The following PXDNL variants were observed in gnomAD, a reference collection of about 807,000 sequenced individuals.
PXDNL encodes the protein peroxidasin like.
PXDNL carries 145 observed loss-of-function variants against 150.8 expected under a neutral mutation model. That is an observed-to-expected ratio of 0.96 (90% confidence interval 0.84 to 1.10). The LOEUF (loss-of-function observed/expected upper bound fraction) is 1.10. PXDNL is among the 50% of genes least tolerant of loss of function. The pLI is 0.00. For missense variants in PXDNL, 2,087 were observed against 1,873.9 expected (o/e 1.11, Z -2.10); for synonymous variants, 757 against 725.7 (o/e 1.04, Z -0.69).
At chr8:51,547,942 G>T (rs767428004) in intron 4 of PXDNL, among the ~76,000 whole-genome samples, 20 of 151,960 alleles carry the variant, frequency 1.3e-4, no homozygotes, top group Admixed American at 2.6e-4. Flanking sequence ...TAAAAATACA[G>T]AATATGAATG....
At chr8:51,786,510 T>A (rs2037461998) in intron 1 of PXDNL, among the ~76,000 whole-genome samples, 1 of 152,152 alleles carries the variant, frequency 6.6e-6, no homozygotes, top group African/African-American at 2.4e-5. Context: ...TGACAACCCT[T>A]CCTCACTCCC....
chr8:51,380,636 T>G (rs1416348012), intron 17 of PXDNL, among the ~76,000 whole-genome samples: 1 of 152,240 alleles, frequency 6.6e-6, no homozygotes, highest in Non-Finnish European at 1.5e-5. Context: ...AGTTTTATCC[T>G]TTCTGATCTT....
rs1489290109 is a variant in PXDNL at position 51,449,028 on chromosome 8, G to A, written c.1340C>T (p.Pro447Leu). 6.5e-7 allele frequency: 1 copy of A among 1,548,458 alleles called. No homozygotes were observed. The highest frequency in any genetic ancestry group is 2.0e-5 in the Admixed American group (1 of 51,064). Residue 447 changes from proline to leucine, a missense_variant, in exon 11 of 23, where the codon CCT becomes CTT. Transcript: ENST00000356297. ...TGTTTTTGTCCAGACAATAACAGGAGGTGGGTTGCCGTCAGCTTCACAGAG... is the reference window on the plus strand; with the variant it reads ...TGTTTTTGTCCAGACAATAACAGGAAGTGGGTTGCCGTCAGCTTCACAGAG... ...EWLCEADGNP[P>L]PVIVWTKTGG... is the part of the protein sequence containing the mutation.
intron 2 of PXDNL, among the ~76,000 whole-genome samples, chr8:51,644,341 C>T (rs925425395): frequency 0.23 from 9,643 of 42,146 alleles, 2,133 homozygotes; most frequent in Non-Finnish European, 0.3. Flanking sequence ...TATATATACA[C>T]ACACACACAC....
At chr8:51,603,086 T>G (rs1813761294) in intron 2 of PXDNL, among the ~76,000 whole-genome samples, 1 of 151,898 alleles carries the variant, frequency 6.6e-6, no homozygotes, top group Non-Finnish European at 1.5e-5. Context: ...TGATATGCAA[T>G]ATTAATGTAA....
chr8:51,336,258 A>G (rs564759647), intron 21 of PXDNL, among the ~76,000 whole-genome samples: 2 of 152,330 alleles, frequency 1.3e-5, no homozygotes, highest in South Asian at 2.1e-4. Flanking sequence ...CTTTATCTCT[A>G]TGCTGATTTT....
chr8:51,643,346 T>C (rs1814818644), intron 2 of PXDNL, among the ~76,000 whole-genome samples: 1 of 152,004 alleles, frequency 6.6e-6, no homozygotes, highest in South Asian at 2.1e-4. Context: ...AAAACAGAGA[T>C]ATAGACCAAT....
At chr8:51,611,663 T>G (rs1180977611) in intron 2 of PXDNL, among the ~76,000 whole-genome samples, 2 of 152,196 alleles carry the variant, frequency 1.3e-5, no homozygotes, top group African/African-American at 2.4e-5. Context: ...GCAGGAAGTT[T>G]CCCAGGAGGG....
chr8:51,341,340 G>A (rs1217593859), intron 20 of PXDNL, among the ~76,000 whole-genome samples: 1 of 152,170 alleles, frequency 6.6e-6, no homozygotes, highest in African/African-American at 2.4e-5. Context: ...GTTTGGACAT[G>A]TGCATATATA....
chr8:51,430,397 G>A lies in PXDNL; in HGVS notation c.1526-3639C>T, dbSNP rs745763322. ...GCTAACTGGGCTTAAATTTAAAATA[G>A]AGCCAAACAGCCATTTCCTGACTAG... On this transcript the variant is annotated intron_variant, in intron 12 of 22. Transcript: ENST00000356297. Among the ~76,000 whole-genome samples the A allele has an allele frequency of 2.0e-5, 3 of 152,208 alleles. No individual in the cohort carries two copies. In the South Asian group the frequency reaches 6.2e-4, roughly 32 times the overall value.
chr8:51,796,184 A>G (rs1184970817), intron 1 of PXDNL, among the ~76,000 whole-genome samples: 1 of 152,140 alleles, frequency 6.6e-6, no homozygotes, highest in African/African-American at 2.4e-5. Context: ...TCTCAAATTG[A>G]CACCTTAACA....
chr8:51,457,748 A>G, intron 8 of PXDNL, 81 bp from the exon 9 acceptor site: 1 of 974,812 alleles, frequency 1.0e-6, no homozygotes, highest in Non-Finnish European at 1.5e-6. Flanking sequence ...ATATAGTACT[A>G]TATAGCTATG....
chr8:51,576,475 C>T (rs936808519), intron 3 of PXDNL, among the ~76,000 whole-genome samples: 5 of 151,624 alleles, frequency 3.3e-5, no homozygotes, highest in African/African-American at 1.2e-4. Context: ...CGGACTAAAT[C>T]AAAGTGAAAA....
chr8:51,533,617 C>T (rs1811962522), intron 4 of PXDNL, among the ~76,000 whole-genome samples: 2 of 150,444 alleles, frequency 1.3e-5, no homozygotes, highest in African/African-American at 4.9e-5. Flanking sequence ...CCTCAGCCTG[C>T]CGAGTGCCTG....
intron 1 of PXDNL, among the ~76,000 whole-genome samples, chr8:51,710,687 T>C (rs1179115919): frequency 2.6e-5 from 4 of 152,218 alleles, no homozygotes; most frequent in Non-Finnish European, 5.9e-5. Context: ...AGTGAGCTCA[T>C]GAAGTATTTG....
At chr8:51,350,031 T>A (rs1806287835) in intron 19 of PXDNL, among the ~76,000 whole-genome samples, 1 of 152,176 alleles carries the variant, frequency 6.6e-6, no homozygotes, top group Non-Finnish European at 1.5e-5. Context: ...CTCTGTTGTC[T>A]GGGGTATATA....
intron 1 of PXDNL, among the ~76,000 whole-genome samples, chr8:51,669,385 A>G (rs1815454197): frequency 6.6e-6 from 1 of 152,238 alleles, no homozygotes; most frequent in Non-Finnish European, 1.5e-5. Context: ...GAGTGAAGGA[A>G]TACTGTACAA....
At chr8:51,389,681 T>A (rs978325020) in intron 17 of PXDNL, among the ~76,000 whole-genome samples, 1 of 152,254 alleles carries the variant, frequency 6.6e-6, no homozygotes, top group African/African-American at 2.4e-5. Context: ...TTGTGACATA[T>A]AAGAATTGCC....
chr8:51,555,849 A>T (rs6984957), intron 4 of PXDNL, among the ~76,000 whole-genome samples: 42,580 of 152,076 alleles, frequency 0.28, 7,550 homozygotes, highest in African/African-American at 0.5. Context: ...AGTATTAGTA[A>T]ACAATATGAC....
Sources: gnomAD v4.1 joint callset for allele counts (sites outside exome capture counted in the v4.1 genomes callset) on GRCh38, gnomAD v4.1.1 for gene constraint, MANE v1.5 for transcripts, NCBI Gene and HGNC (gene_info 2026-07-23, HGNC 2026-07-21) for gene names.